KAT6A: variants seen among roughly 807,000 people sequenced by gnomAD.
The protein encoded by KAT6A is histone acetyltransferase KAT6A.
KAT6A carries 9 observed loss-of-function variants against 198.4 expected under a neutral mutation model. The ratio of observed to expected loss-of-function variants is 0.05; its 90% CI spans 0.03 to 0.08. The LOEUF is 0.08. KAT6A is among the 10% of genes least tolerant of loss of function. The probability of loss-of-function intolerance (pLI) is 1.00; values close to 1 mark genes in which losing one functional copy is unlikely to be tolerated. For missense variants in KAT6A, 2,077 were observed against 2,509.9 expected (o/e 0.83, Z 3.69); for synonymous variants, 890 against 883.0 (o/e 1.01, Z -0.14).
chr8:42,001,591 A>C (rs1243870402), intron 2 of KAT6A, among the ~76,000 whole-genome samples: 1 of 152,242 alleles, frequency 6.6e-6, no homozygotes, highest in Non-Finnish European at 1.5e-5. Flanking sequence ...AATTTTTTAA[A>C]AGGCATGGGG....
At chr8:41,995,753 T>C (rs909526493) in intron 2 of KAT6A, among the ~76,000 whole-genome samples, 1 of 150,318 alleles carries the variant, frequency 6.7e-6, no homozygotes, top group Non-Finnish European at 1.5e-5. Context: ...CTCAGCTCAC[T>C]GCAACCTCCA....
chr8:41,985,552 A>G (rs925944011), intron 3 of KAT6A, among the ~76,000 whole-genome samples: 1 of 152,178 alleles, frequency 6.6e-6, no homozygotes, highest in Non-Finnish European at 1.5e-5. Flanking sequence ...CCTCGTAGGT[A>G]TCTAGAGCTA....
At chr8:41,946,493 TACACACACACACACACACACACACAC>T (rs60247515) in intron 12 of KAT6A, 72 bp downstream of exon 12, 19 of 323,594 alleles carry the variant, frequency 5.9e-5, no homozygotes, top group African/African-American at 1.8e-4. Context: ...TATATATATA[TACACACACACACACACACACACACAC>T]ACACACACAC....
chr8:41,978,882 G>A (rs911215755), intron 5 of KAT6A, 105 bp from the exon 6 acceptor site: 21 of 1,041,502 alleles, frequency 2.0e-5, no homozygotes, highest in Admixed American at 4.8e-5. Context: ...GTAAAAGACT[G>A]TCATTAGAAA....
chr8:41,977,291 A>G lies in KAT6A; in HGVS notation c.1080T>C (p.Pro360=). 3 of 1,614,090 alleles carry G rather than the reference A, an allele frequency of 1.9e-6. No homozygotes were observed. Among genetic ancestry groups the G allele is most frequent in the Non-Finnish European group, 2.5e-6 (3 of 1,179,934 alleles). ...TGATTTTTCGTTTCCTACCCCTTCC[A>G]GGGCCAGTTCGAACTTTGCTGAAGG... ...KGPFSKVRTG[P]GRGRKRKITL... is the part of the protein sequence containing the mutation. The change falls in exon 7 of 17, where the codon CCT becomes CCC. Residue 360 remains proline, a synonymous_variant. Coordinates refer to ENST00000265713, the MANE Select transcript of KAT6A (RefSeq NM_006766.5).
At chr8:41,987,404 C>T (rs753257015) in intron 3 of KAT6A, 51 bp downstream of exon 3, 12 of 1,071,710 alleles carry the variant, frequency 1.1e-5, no homozygotes, top group African/African-American at 4.7e-5. Flanking sequence ...ACATACTTTC[C>T]GCTTGCCTTC....
At position 41,933,996 on chromosome 8, in the gene KAT6A, T is replaced by A. The variant is rs745769232; in HGVS notation, c.4224A>T (p.Glu1408Asp). ...EDSHTKEELIELKEEEEIPHS... is the reference protein window; with the variant it reads ...EDSHTKEELIDLKEEEEIPHS... ...GAGGAATCTCTTCCTCCTCTTTTAA[T>A]TCGATTAACTCTTCCTTAGTGTGGG... is the stretch of plus-strand genomic sequence containing the variant. The change falls in exon 17 of 17, where the codon GAA becomes GAT. Residue 1408 changes from glutamate (E) to aspartate (D), a missense_variant. Physicochemically the swap from Glu to Asp is conservative, Grantham distance 45. Around this residue, in one of 13 missense-constraint regions of KAT6A, gnomAD observed 178 missense variants for 220.8 expected, o/e 0.81. Coordinates refer to ENST00000265713, the MANE Select transcript of KAT6A (RefSeq NM_006766.5). The surrounding 1 kb of genome is among the most constrained non-coding windows in gnomAD (Gnocchi z 6.2). 3.1e-6 allele frequency: 5 copies of A among 1,614,112 alleles called. No individual in the cohort carries two copies. The highest frequency in any genetic ancestry group is 3.4e-6 in the Non-Finnish European group (4 of 1,180,026).
Position 41,947,867 on chromosome 8 carries a change from A to G in KAT6A, c.1786T>C (p.Leu596=). 1.2e-6 allele frequency: 2 copies of G among 1,609,026 alleles called. No homozygotes were observed. Among genetic ancestry groups the G allele is most frequent in the Non-Finnish European group, 8.5e-7 (1 of 1,178,812 alleles). ...STIYCQNLCL[L]AKLFLDHKTL... ...TTGTGGTCAAGAAACAACTTTGCCA[A>G]AAGACACAGGTTTTGACAATAAATG... The change falls in exon 11 of 17, where the codon TTG becomes CTG. Residue 596 remains leucine (L), a synonymous_variant. Coordinates refer to ENST00000265713, the MANE Select transcript of KAT6A (RefSeq NM_006766.5).
At position 41,935,286 on chromosome 8, in the gene KAT6A, CT is replaced by C. The variant is rs777710775; in HGVS notation, c.3353-420del. Among the ~76,000 whole-genome samples, 368 of 151,614 alleles carry C rather than the reference CT, an allele frequency of 2.4e-3. 1 individual carries two copies. Among genetic ancestry groups the C allele is most frequent in the Middle Eastern group, 3.4e-3 (1 of 292 alleles). On this transcript the variant is annotated intron_variant, in intron 16 of 16. Coordinates refer to ENST00000265713, the MANE Select transcript of KAT6A (RefSeq NM_006766.5). Reference sequence around the variant, plus strand: ...AAAGTTACAAATTAGCTTATTTCCTCTTTTTTTTTCTGCTTGTGATTTACTT... The same window carrying C: ...AAAGTTACAAATTAGCTTATTTCCTCTTTTTTTTCTGCTTGTGATTTACTT...
intron 2 of KAT6A, among the ~76,000 whole-genome samples, chr8:41,988,303 A>C (rs1309714059): frequency 6.6e-6 from 1 of 152,266 alleles, no homozygotes; most frequent in Non-Finnish European, 1.5e-5. Context: ...AAAAAATAAA[A>C]GAAAGAAGCT....
intron 8 of KAT6A, among the ~76,000 whole-genome samples, chr8:41,961,002 T>C (rs553799829): frequency 6.6e-6 from 1 of 152,326 alleles, no homozygotes; most frequent in South Asian, 2.1e-4. Context: ...CAGAGAATCA[T>C]GCTACCCAGT....
At chr8:41,989,369 C>T (rs1197166985) in intron 2 of KAT6A, among the ~76,000 whole-genome samples, 1 of 152,058 alleles carries the variant, frequency 6.6e-6, no homozygotes, top group East Asian at 1.9e-4. Flanking sequence ...ATTAGCCAGG[C>T]GTGGTGACAT....
At chr8:42,012,045 TA>T (rs1281367425) in intron 2 of KAT6A, among the ~76,000 whole-genome samples, 1 of 152,070 alleles carries the variant, frequency 6.6e-6, no homozygotes, top group Non-Finnish European at 1.5e-5. Context: ...AAATGCAAAT[TA>T]AAATCACAAT....
In KAT6A at chr8:42,049,027, T is replaced by C. The variant is rs1802462904; in HGVS notation, c.-50A>G. 8 of 1,551,222 alleles carry C rather than the reference T, an allele frequency of 5.2e-6. No homozygotes were observed. Among genetic ancestry groups the C allele is most frequent in the African/African-American group, 2.7e-5 (2 of 72,818 alleles). ...GAGTCGTTATCCCTTATCCTGATGCTGAGTAAGTTTTACACCATGGAAAAC... is the reference window on the plus strand; with the variant it reads ...GAGTCGTTATCCCTTATCCTGATGCCGAGTAAGTTTTACACCATGGAAAAC... On this transcript the variant is annotated 5_prime_UTR_variant, in exon 2 of 17. Transcript: ENST00000265713.
intron 8 of KAT6A, chr8:41,974,460 C>T (rs1823950625): frequency 3.1e-6 from 1 of 318,372 alleles, no homozygotes; most frequent in Non-Finnish European, 5.7e-6. Flanking sequence ...TACAGTAAGA[C>T]AAAAAATAAA....
chr8:41,947,661 T>C, intron 11 of KAT6A, 90 bp downstream of exon 11: 1 of 1,024,546 alleles, frequency 9.8e-7, no homozygotes, highest in East Asian at 2.5e-5. Flanking sequence ...TAGGAGGTGC[T>C]GCATCTTGTT....
rs1826746958 is a variant in KAT6A, at chr8:42,025,218, G to GT, written c.600+23159dup. On this transcript the variant is annotated intron_variant, in intron 2 of 16. Transcript: ENST00000265713. ...TGATGCTGAGGTTTTTTTTTGTTTT[G>GT]TTTTGTTTTTGAGATGGAGTTTCCC... Among the ~76,000 whole-genome samples the GT allele has an allele frequency of 2.0e-5, 3 of 150,602 alleles. 1 individual carries two copies. Among genetic ancestry groups the GT allele is most frequent in the East Asian group, 1.9e-4 (1 of 5,140 alleles).
At chr8:41,962,724 T>C (rs1205798731) in intron 8 of KAT6A, among the ~76,000 whole-genome samples, 1 of 152,050 alleles carries the variant, frequency 6.6e-6, no homozygotes, top group African/African-American at 2.4e-5. Context: ...GTCCTTACAA[T>C]GGCCAAGAAG....
chr8:41,946,146 G>A (rs78995287), intron 12 of KAT6A, among the ~76,000 whole-genome samples: 15,929 of 151,968 alleles, frequency 0.1, 1,073 homozygotes, highest in East Asian at 0.25. Flanking sequence ...CCCAGGCTAG[G>A]GCCTGCAATG....
Sources: allele counts gnomAD v4.1 joint callset (sites outside exome capture counted in the v4.1 genomes callset), GRCh38; gene constraint gnomAD v4.1.1; regional missense constraint gnomAD v4.1.1; non-coding constraint Gnocchi (gnomAD v3.1); transcripts MANE v1.5; gene names NCBI Gene and HGNC (gene_info 2026-07-23, HGNC 2026-07-21).